RYR3: variants seen among roughly 807,000 people sequenced by gnomAD.
RYR3 encodes brain ryanodine receptor-calcium release channel.
In RYR3, 207 loss-of-function variants were observed where a neutral mutation model predicts 584.3. That is an observed-to-expected ratio of 0.35 (90% CI 0.32 to 0.40). The LOEUF is 0.40. Among genes scored for constraint, RYR3 ranks in the 10% least tolerant of loss-of-function variants. The pLI, the probability that RYR3 is intolerant of heterozygous loss-of-function variation, is 1.00. For missense variants in RYR3, 5,616 were observed against 6,089.2 expected (o/e 0.92, Z 2.59); for synonymous variants, 2,416 against 2,248.5 (o/e 1.07, Z -2.11).
intron 42 of RYR3, among the ~76,000 whole-genome samples, chr15:33,706,524 A>T (rs1229517765): frequency 3.3e-5 from 5 of 152,188 alleles, no homozygotes. Context: ...TCACTTAGCG[A>T]ATGTCCTCAA....
rs774816026 is a variant in RYR3 at position 33,835,025 on chromosome 15, G to T, written c.11521G>T (p.Val3841Phe). 6.2e-7 allele frequency: 1 copy of T among 1,613,974 alleles called. No individual in the cohort carries two copies. The highest frequency in any genetic ancestry group is 1.3e-5 in the African/African-American group (1 of 75,050). The change falls in exon 87 of 104, where the codon GTT becomes TTT. Residue 3841 changes from valine to phenylalanine, a missense_variant. Val to Phe is a conservative substitution (Grantham distance 50). Coordinates refer to ENST00000634891, the MANE Select transcript of RYR3 (RefSeq NM_001036.6). The stretch of plus-strand genomic sequence containing the variant: ...TCACAGCAGGCTGTGGGACGCAGTG[G>T]TTGGCTTCCTCCATGTCTTTGCTAA... ...LAHSRLWDAV[V>F]GFLHVFANMQ...
At chr15:33,518,688 C>T (rs1258939390) in intron 3 of RYR3, among the ~76,000 whole-genome samples, 4 of 152,184 alleles carry the variant, frequency 2.6e-5, no homozygotes, top group African/African-American at 9.7e-5. Flanking sequence ...ATTCATAGAT[C>T]AGCAAAGGAG....
chr15:33,864,233 C>T lies in RYR3; in HGVS notation c.14517+44C>T, dbSNP rs1259289377. 4.7e-6 allele frequency: 7 copies of T among 1,499,722 alleles called. No individual in the cohort carries two copies. The Admixed American group carries it at 5.5e-5, about 12-fold the overall frequency. The allele number at this position is 1,499,722 out of a possible 1,614,324, so 92.9% of individuals were successfully genotyped here. A position where few individuals can be genotyped will look rare whatever the true frequency, so the allele number is the denominator to read the frequency against. On this transcript the variant is annotated intron_variant, in intron 103 of 103. Coordinates refer to ENST00000634891, the MANE Select transcript of RYR3 (RefSeq NM_001036.6). ...TATACCCGTGTTAGATCTCCCTTTC[C>T]TAAATCTTGAGACTTAGTAGGGCAT... is the stretch of plus-strand genomic sequence containing the variant.
intron 1 of RYR3, among the ~76,000 whole-genome samples, chr15:33,424,819 G>T (rs2044487597): frequency 6.6e-6 from 1 of 152,108 alleles, no homozygotes; most frequent in South Asian, 2.1e-4. Context: ...CTATCAAGAT[G>T]CAAAGATGAG....
At chr15:33,435,743 G>T (rs759069667) in intron 1 of RYR3, among the ~76,000 whole-genome samples, 1 of 152,174 alleles carries the variant, frequency 6.6e-6, no homozygotes, top group Non-Finnish European at 1.5e-5. Context: ...TGACTTCAGA[G>T]ATGAAGCTGC....
chr15:33,324,467 G>T (rs982590537), intron 1 of RYR3, among the ~76,000 whole-genome samples: 1 of 152,160 alleles, frequency 6.6e-6, no homozygotes, highest in Non-Finnish European at 1.5e-5. Flanking sequence ...AAAACTCAGT[G>T]CTTTCTATCA....
chr15:33,699,887 C>G (rs1402105473), intron 41 of RYR3, 54 bp downstream of exon 41: 2 of 1,573,442 alleles, frequency 1.3e-6, no homozygotes, highest in African/African-American at 2.7e-5. Flanking sequence ...TACACTCCCC[C>G]TTTTGACCAC....
chr15:33,756,058 G>A (rs1473431439), intron 58 of RYR3, among the ~76,000 whole-genome samples: 1 of 152,208 alleles, frequency 6.6e-6, no homozygotes, highest in Non-Finnish European at 1.5e-5. Context: ...ACAGGTGTTA[G>A]CCATCGCGCC....
intron 1 of RYR3, among the ~76,000 whole-genome samples, chr15:33,417,143 T>C (rs1179277834): frequency 6.6e-6 from 1 of 152,206 alleles, no homozygotes; most frequent in Non-Finnish European, 1.5e-5. Flanking sequence ...AGCTTTTTTC[T>C]TTTTGCTTAG....
Position 33,355,847 on chromosome 15 carries a change from G to A in RYR3, c.51+44751G>A, listed in dbSNP as rs74005188. Among the ~76,000 whole-genome samples, 179 of 152,160 alleles carry A rather than the reference G, an allele frequency of 1.2e-3. 1 individual carries two copies. Among genetic ancestry groups the A allele is most frequent in the African/African-American group, 4.1e-3 (172 of 41,516 alleles). ...TCTGTCTGATCCCTATACTCCCTAG[G>A]TTCCCGCCACACAATTCAGCTCAGT... is the stretch of plus-strand genomic sequence containing the variant. On this transcript the variant is annotated intron_variant, in intron 1 of 103. Transcript: ENST00000634891.
At chr15:33,618,684 T>C (rs1350979611) in intron 19 of RYR3, among the ~76,000 whole-genome samples, 2 of 152,206 alleles carry the variant, frequency 1.3e-5, no homozygotes, top group Non-Finnish European at 2.9e-5. Flanking sequence ...CCCAGCTCTC[T>C]GGGAGGAATT....
intron 64 of RYR3, 82 bp from the exon 65 acceptor site, chr15:33,780,129 T>G (rs2074292865): frequency 6.5e-7 from 1 of 1,538,434 alleles, no homozygotes; most frequent in East Asian, 2.3e-5. Context: ...CATGGATTAA[T>G]CTATGGGGAA....
At chr15:33,831,796 T>A (rs968462806) in intron 86 of RYR3, among the ~76,000 whole-genome samples, 1 of 152,168 alleles carries the variant, frequency 6.6e-6, no homozygotes, top group Non-Finnish European at 1.5e-5. Flanking sequence ...GATTTTTTTT[T>A]AAAGCAAAAG....
At chr15:33,377,393 T>C (rs1403766518) in intron 1 of RYR3, among the ~76,000 whole-genome samples, 1 of 152,182 alleles carries the variant, frequency 6.6e-6, no homozygotes, top group African/African-American at 2.4e-5. Flanking sequence ...CACTGAAGGA[T>C]GTTTTAAGTG....
At chr15:33,790,568 A>G (rs2075093688) in intron 67 of RYR3, among the ~76,000 whole-genome samples, 1 of 152,164 alleles carries the variant, frequency 6.6e-6, no homozygotes, top group South Asian at 2.1e-4. Context: ...GAGGTTGTTG[A>G]GGGGAAGATC....
intron 27 of RYR3, among the ~76,000 whole-genome samples, chr15:33,638,571 C>T (rs532092583): frequency 1.5e-4 from 23 of 152,302 alleles, no homozygotes; most frequent in Admixed American, 4.6e-4. Context: ...TGCTTGTTAG[C>T]AATGAGGAAT....
At chr15:33,425,880 G>T (rs1454813778) in intron 1 of RYR3, among the ~76,000 whole-genome samples, 1 of 152,074 alleles carries the variant, frequency 6.6e-6, no homozygotes, top group Non-Finnish European at 1.5e-5. Context: ...CTGACCTCGT[G>T]ATCCGCCCGC....
intron 41 of RYR3, among the ~76,000 whole-genome samples, chr15:33,700,705 G>A (rs2152772920): frequency 6.6e-6 from 1 of 152,256 alleles, no homozygotes; most frequent in Non-Finnish European, 1.5e-5. Flanking sequence ...GAAGTTTTGT[G>A]TTAGAAAAGC....
intron 38 of RYR3, among the ~76,000 whole-genome samples, chr15:33,686,964 A>G (rs1474535537): frequency 1.3e-5 from 2 of 151,794 alleles, no homozygotes; most frequent in Admixed American, 6.6e-5. Flanking sequence ...AGCCAATATC[A>G]TAATGGGCAG....
Sources: allele counts gnomAD v4.1 joint callset (sites outside exome capture counted in the v4.1 genomes callset), GRCh38; gene constraint gnomAD v4.1.1; transcripts MANE v1.5; gene names NCBI Gene and HGNC (gene_info 2026-07-23, HGNC 2026-07-21).